The following ZFP2 variants were observed in gnomAD, a reference collection of about 807,000 sequenced individuals.
ZFP2 encodes the protein ZFP2 zinc finger protein.
Under a neutral mutation model 36.1 loss-of-function variants are expected in ZFP2, and 33 were observed. That is an observed-to-expected ratio of 0.92 (90% confidence interval 0.69 to 1.22). ZFP2 has a LOEUF of 1.22. Among genes scored for constraint, ZFP2 ranks in the 50% most tolerant of loss-of-function variants. The probability of loss-of-function intolerance (pLI) is 0.00; values close to 1 mark genes in which losing one functional copy is unlikely to be tolerated. For missense variants in ZFP2, 522 were observed against 551.4 expected (o/e 0.95, Z 0.53); for synonymous variants, 170 against 178.0 (o/e 0.96, Z 0.36).
At chr5:178,921,189 T>C (rs1046397008) in intron 4 of ZFP2, among the ~76,000 whole-genome samples, 2 of 152,228 alleles carry the variant, frequency 1.3e-5, no homozygotes, top group Non-Finnish European at 2.9e-5. Flanking sequence ...TTCATGCATA[T>C]GTATCTCGCA....
At chr5:178,919,968 A>G (rs1581838420) in intron 4 of ZFP2, among the ~76,000 whole-genome samples, 1 of 71,258 alleles carries the variant, frequency 1.4e-5, no homozygotes. Context: ...GTCTCAAAAG[A>G]AAAAAAAAAA....
intron 4 of ZFP2, among the ~76,000 whole-genome samples, chr5:178,929,782 C>T (rs867147284): frequency 2.0e-5 from 3 of 152,126 alleles, no homozygotes; most frequent in South Asian, 2.1e-4. Context: ...TTTCAGGTAT[C>T]TTTATAGAAA....
intron 3 of ZFP2, among the ~76,000 whole-genome samples, chr5:178,915,331 T>C (rs1442244405): frequency 1.4e-5 from 2 of 141,212 alleles, no homozygotes; most frequent in East Asian, 4.1e-4. Flanking sequence ...TCTTTTTTTT[T>C]TTTTTTTTTT....
chr5:178,932,544 G>T lies in ZFP2; in HGVS notation c.1231G>T (p.Glu411Ter). Residue 411 changes from glutamate (E) to a stop codon, truncating the protein, a stop_gained, in exon 5 of 5, where the codon GAA becomes TAA. Coordinates refer to ENST00000361362, the MANE Select transcript of ZFP2 (RefSeq NM_030613.4). LOFTEE classifies it high-confidence loss of function. ...AATTCATACTGGTGAGAAACCCTAT[G>T]AATGTGATCAGTGTGGAAAAGCCTT... Reference protein sequence around the residue: ...QRIHTGEKPYECDQCGKAFIK... With the variant: ...QRIHTGEKPY 4.3e-6 allele frequency: 7 copies of T among 1,614,074 alleles called. No homozygotes were observed. Among genetic ancestry groups the T allele is most frequent in the Non-Finnish European group, 5.9e-6 (7 of 1,180,034 alleles).
intron 4 of ZFP2, among the ~76,000 whole-genome samples, chr5:178,930,813 G>A (rs1022638255): frequency 7.9e-5 from 12 of 152,090 alleles, no homozygotes; most frequent in Admixed American, 5.9e-4. Flanking sequence ...AGGTGGCCTC[G>A]TAGGAGGAAA....
At chr5:178,921,192 A>G (rs575153060) in intron 4 of ZFP2, among the ~76,000 whole-genome samples, 1 of 152,308 alleles carries the variant, frequency 6.6e-6, no homozygotes, top group East Asian at 1.9e-4. Context: ...ATGCATATGT[A>G]TCTCGCAGGT....
Position 178,931,409 on chromosome 5 carries a change from G to C in ZFP2, c.96G>C (p.Val32=). 6.2e-7 allele frequency: 1 copy of C among 1,614,100 alleles called. No homozygotes were observed. ...AACAGGATAGTCATCTGAGCCAAGTGGGAGTTACCCATAAGGAAACCTTCA... is the reference window on the plus strand; with the variant it reads ...AACAGGATAGTCATCTGAGCCAAGTCGGAGTTACCCATAAGGAAACCTTCA... ...EGQQDSHLSQ[V]GVTHKETFTE... is the part of the protein sequence containing the mutation. The change falls in exon 5 of 5, where the codon GTG becomes GTC. Residue 32 remains valine, a synonymous_variant. Transcript: ENST00000361362.
rs966400845 is a variant in ZFP2, at chr5:178,922,275, G to T, written c.-78+5565G>T. The T allele has an allele frequency of 3.0e-6, 3 of 984,366 alleles. No homozygotes were observed. In the African/African-American group the frequency reaches 4.7e-5, roughly 15 times the overall value. 61.0% of individuals were successfully genotyped at this position (984,366 alleles called of 1,614,324 possible). ...AAACCAAATACATCCTCTAAAATAA[G>T]TTCATTATCATACAAGGTAACCAGA... On this transcript the variant is annotated intron_variant, in intron 4 of 4. Coordinates refer to ENST00000361362, the MANE Select transcript of ZFP2 (RefSeq NM_030613.4).
chr5:178,921,265 C>T (rs573021160), intron 4 of ZFP2, among the ~76,000 whole-genome samples: 14 of 152,254 alleles, frequency 9.2e-5, no homozygotes, highest in African/African-American at 3.4e-4. Context: ...TGTCTATGTC[C>T]GCAGTAGTTT....
intron 4 of ZFP2, among the ~76,000 whole-genome samples, chr5:178,917,435 T>G (rs1377472175): frequency 6.6e-6 from 1 of 152,054 alleles, no homozygotes; most frequent in Non-Finnish European, 1.5e-5. Flanking sequence ...GCCAACATGG[T>G]GAAACCCCGT....
intron 1 of ZFP2, among the ~76,000 whole-genome samples, chr5:178,896,671 A>G (rs774865328): frequency 6.6e-6 from 1 of 152,224 alleles, no homozygotes; most frequent in Non-Finnish European, 1.5e-5. Flanking sequence ...TAAAACAATC[A>G]TTCAAAATCT....
At chr5:178,914,811 C>T (rs1758383915) in intron 3 of ZFP2, among the ~76,000 whole-genome samples, 1 of 152,134 alleles carries the variant, frequency 6.6e-6, no homozygotes, top group Non-Finnish European at 1.5e-5. Flanking sequence ...TTTAATGAGA[C>T]TTTTGAGCAA....
chr5:178,913,625 AT>A (rs1245702446), intron 3 of ZFP2, among the ~76,000 whole-genome samples: 2 of 152,168 alleles, frequency 1.3e-5, no homozygotes, highest in African/African-American at 4.8e-5. Flanking sequence ...TACATTGTGT[AT>A]ATTTTCTTTC....
rs1758438897 is a variant in ZFP2 at position 178,916,717 on chromosome 5, A to G, written c.-78+7A>G. 1 of 985,452 alleles carries G rather than the reference A, an allele frequency of 1.0e-6. No homozygotes were observed. The highest frequency in any genetic ancestry group is 1.2e-6 in the Non-Finnish European group (1 of 829,930). The allele number at this position is 985,452 out of a possible 1,614,324, so 61.0% of individuals were successfully genotyped here. On this transcript the variant is annotated splice_region_variant and intron_variant, in intron 4 of 4. Transcript: ENST00000361362. Reference sequence around the variant, plus strand: ...TGACACAAAACATCTATAGGTAAGTACTGGTACTCCTCTTACGGTGGAAGA... The same window carrying G: ...TGACACAAAACATCTATAGGTAAGTGCTGGTACTCCTCTTACGGTGGAAGA...
intron 4 of ZFP2, among the ~76,000 whole-genome samples, chr5:178,927,384 T>C (rs1020651385): frequency 1.3e-5 from 2 of 152,250 alleles, no homozygotes; most frequent in African/African-American, 4.8e-5. Flanking sequence ...TCTGGTACTT[T>C]ATGTTCCAGA....
chr5:178,928,632 A>G lies in ZFP2; in HGVS notation c.-77-2605A>G, dbSNP rs575226929. On this transcript the variant is annotated intron_variant, in intron 4 of 4. Coordinates refer to ENST00000361362, the MANE Select transcript of ZFP2 (RefSeq NM_030613.4). The stretch of plus-strand genomic sequence containing the variant: ...CTAGGCCTTGGGCAGATCTGCCCAC[A>G]TGGCTTTGCAGTGTTCAGTCCCTGC... 6.6e-5 allele frequency among the ~76,000 whole-genome samples: 10 copies of G among 152,322 alleles called. No individual in the cohort carries two copies. The East Asian group carries it at 1.5e-3, about 24-fold the overall frequency.
At chr5:178,919,750 A>T (rs1758513827) in intron 4 of ZFP2, among the ~76,000 whole-genome samples, 1 of 152,148 alleles carries the variant, frequency 6.6e-6, no homozygotes, top group Non-Finnish European at 1.5e-5. Context: ...ACTTGAGGCC[A>T]GGAGTTTGAG....
At chr5:178,913,574 A>C (rs747058661) in intron 3 of ZFP2, among the ~76,000 whole-genome samples, 13 of 152,238 alleles carry the variant, frequency 8.5e-5, no homozygotes, top group Admixed American at 6.5e-5. Flanking sequence ...ATTTAAAAAC[A>C]TGAAAAATGA....
At chr5:178,908,668 T>G (rs1242375478) in intron 1 of ZFP2, among the ~76,000 whole-genome samples, 1 of 146,622 alleles carries the variant, frequency 6.8e-6, no homozygotes, top group East Asian at 2.0e-4. Flanking sequence ...GGCAGGCTTA[T>G]TCTATCTGAA....
Sources: gnomAD v4.1 joint callset for allele counts (sites outside exome capture counted in the v4.1 genomes callset) on GRCh38, gnomAD v4.1.1 for gene constraint, MANE v1.5 for transcripts, NCBI Gene and HGNC (gene_info 2026-07-23, HGNC 2026-07-21) for gene names.